ACTN2: variants seen among roughly 807,000 people sequenced by gnomAD.
ACTN2 encodes the protein alpha-actinin-2.
In ACTN2, 39 loss-of-function variants were observed where a neutral mutation model predicts 113.8. That is an observed-to-expected ratio of 0.34 (90% CI 0.27 to 0.45). The LOEUF (loss-of-function observed/expected upper bound fraction) is 0.45, where lower values mean the gene tolerates loss of function less well. Ranked by LOEUF, ACTN2 falls within the 20% of genes least tolerant of loss-of-function variation. ACTN2 has a pLI of 1.00. For synonymous variants in ACTN2, 429 were observed against 444.1 expected, an observed-to-expected ratio of 0.97 and a Z score of 0.43; for missense variants, 992 against 1,177.9, an observed-to-expected ratio of 0.84 and a Z score of 2.31.
At chr1:236,744,978 C>A (rs1352030396) in intron 12 of ACTN2, among the ~76,000 whole-genome samples, 3 of 152,136 alleles carry the variant, frequency 2.0e-5, no homozygotes, top group Non-Finnish European at 2.9e-5. Context: ...TCCTACCATC[C>A]AGCAGCACCC....
intron 4 of ACTN2, among the ~76,000 whole-genome samples, chr1:236,723,447 G>GT (rs1658459030): frequency 6.6e-6 from 1 of 152,182 alleles, no homozygotes; most frequent in Admixed American, 6.6e-5. Context: ...AAAATGGACA[G>GT]TTTTTTGTTT....
intron 8 of ACTN2, among the ~76,000 whole-genome samples, chr1:236,736,236 A>T (rs1658871845): frequency 1.3e-5 from 2 of 152,266 alleles, no homozygotes; most frequent in Non-Finnish European, 2.9e-5. Flanking sequence ...AGGGACCTTG[A>T]GGAAGAATGG....
chr1:236,689,338 T>TACACAC (rs1553295872), intron 1 of ACTN2, among the ~76,000 whole-genome samples: 10 of 41,190 alleles, frequency 2.4e-4, no homozygotes, highest in African/African-American at 4.5e-4. Context: ...TATATATATA[T>TACACAC]ACACACACAT....
Position 236,754,995 on chromosome 1 carries a change from T to G in ACTN2, c.1975-24T>G. On this transcript the variant is annotated intron_variant, in intron 16 of 20. Coordinates refer to ENST00000366578, the MANE Select transcript of ACTN2 (RefSeq NM_001103.4). The surrounding 1 kb of genome is among the most constrained non-coding windows in gnomAD (Gnocchi z 4.9). ...GGGCACTTCACTCTGCTTCTCTCTCTGCTTGCTCACTCGCCCCCCTCAGGA... is the reference window on the plus strand; with the variant it reads ...GGGCACTTCACTCTGCTTCTCTCTCGGCTTGCTCACTCGCCCCCCTCAGGA... 1 of 1,614,164 alleles carries G rather than the reference T, an allele frequency of 6.2e-7. No homozygotes were observed. The highest frequency in any genetic ancestry group is 1.1e-5 in the South Asian group (1 of 91,084).
At chr1:236,749,897 A>G (rs1312081853) in intron 14 of ACTN2, among the ~76,000 whole-genome samples, 1 of 152,206 alleles carries the variant, frequency 6.6e-6, no homozygotes, top group Non-Finnish European at 1.5e-5. Context: ...TTCATGAAAA[A>G]GTTGTAAGTG....
chr1:236,695,790 A>T (rs566803100), intron 1 of ACTN2, among the ~76,000 whole-genome samples: 1 of 152,296 alleles, frequency 6.6e-6, no homozygotes, highest in South Asian at 2.1e-4. Context: ...GTCTTCATAC[A>T]TGCCAAGCCC....
chr1:236,730,778 G>A (rs1275142449), intron 6 of ACTN2, among the ~76,000 whole-genome samples: 1 of 152,034 alleles, frequency 6.6e-6, no homozygotes, highest in Non-Finnish European at 1.5e-5. Flanking sequence ...ACACTCTTTA[G>A]TCAGCTAAAA....
At chr1:236,762,226 C>G (rs1356296458) in intron 20 of ACTN2, among the ~76,000 whole-genome samples, 1 of 152,042 alleles carries the variant, frequency 6.6e-6, no homozygotes, top group Non-Finnish European at 1.5e-5. Context: ...TAGTAATGCT[C>G]CATTTGCCTT....
chr1:236,717,489 AGCATATTTT>A lies in ACTN2; in HGVS notation c.127-360_127-352del, dbSNP rs149942107. Among the ~76,000 whole-genome samples, 282 of 152,304 alleles carry A rather than the reference AGCATATTTT, an allele frequency of 1.9e-3. 3 individuals carry two copies. Among genetic ancestry groups the A allele is most frequent in the African/African-American group, 6.2e-3 (258 of 41,576 alleles). Reference sequence around the variant, plus strand: ...TTATTCATCTATTCTGCTGCAAGCAAGCATATTTTGCATATTTGTGAGCAAGAAATAAGC... The same window carrying A: ...TTATTCATCTATTCTGCTGCAAGCAAGCATATTTGTGAGCAAGAAATAAGC... On this transcript the variant is annotated intron_variant, in intron 1 of 20. Transcript: ENST00000366578.
chr1:236,696,648 T>C (rs542030858), intron 1 of ACTN2, among the ~76,000 whole-genome samples: 1 of 151,650 alleles, frequency 6.6e-6, no homozygotes, highest in South Asian at 2.1e-4. Context: ...CAAACAACTT[T>C]ACTGCTGTTG....
chr1:236,728,089 A>T lies in ACTN2; in HGVS notation c.615+333A>T, dbSNP rs529775391. Among the ~76,000 whole-genome samples, 16 of 151,456 alleles carry T rather than the reference A, an allele frequency of 1.1e-4. No individual in the cohort carries two copies. In the East Asian group the frequency reaches 2.9e-3, roughly 28 times the overall value. ...GATTTTACATTCCTGGATTCTAAAT[A>T]TGAGAAGTGAAACCTCTATTTTTGC... On this transcript the variant is annotated intron_variant, in intron 6 of 20. Coordinates refer to ENST00000366578, the MANE Select transcript of ACTN2 (RefSeq NM_001103.4).
chr1:236,762,999 A>C lies in ACTN2; in HGVS notation c.*380A>C, dbSNP rs1206602757. ...TTTAAGACCGGGGGGAAAAAACCACAAATTGGTAAATAAAGGTTTGCTATT... is the reference window on the plus strand; with the variant it reads ...TTTAAGACCGGGGGGAAAAAACCACCAATTGGTAAATAAAGGTTTGCTATT... On this transcript the variant is annotated 3_prime_UTR_variant, in exon 21 of 21. Transcript: ENST00000366578. The C allele has an allele frequency of 3.1e-6, 1 of 321,718 alleles. No homozygotes were observed. The highest frequency in any genetic ancestry group is 6.0e-6 in the Non-Finnish European group (1 of 166,472). The allele number at this position is 321,718 out of a possible 1,614,324, so 19.9% of individuals were successfully genotyped here.
Position 236,735,657 on chromosome 1 carries a change from C to A in ACTN2, c.720C>A (p.Pro240=), listed in dbSNP as rs375935508. Residue 240 remains proline (P), a synonymous_variant, in exon 8 of 21, where the codon CCC becomes CCA. Coordinates refer to ENST00000366578, the MANE Select transcript of ACTN2 (RefSeq NM_001103.4). Reference sequence around the variant, plus strand: ...CAGACATCGTGAACACCCCTAAACCCGATGAAAGAGCCATCATGACGTACG... The same window carrying A: ...CAGACATCGTGAACACCCCTAAACCAGATGAAAGAGCCATCATGACGTACG... ...DAEDIVNTPK[P]DERAIMTYVS... is the part of the protein sequence containing the mutation. 3.7e-6 allele frequency: 6 copies of A among 1,614,142 alleles called. No homozygotes were observed. Among genetic ancestry groups the A allele is most frequent in the Non-Finnish European group, 5.1e-6 (6 of 1,180,030 alleles).
rs200357413 is a variant in ACTN2, at chr1:236,761,163, C to T, written c.2516C>T (p.Ala839Val). The T allele has an allele frequency of 1.9e-6, 3 of 1,614,148 alleles. No individual in the cohort carries two copies. The highest frequency in any genetic ancestry group is 2.2e-5 in the East Asian group (1 of 44,874). Reference protein sequence around the residue: ...EQVIASFRILASDKPYILAEE... With the variant: ...EQVIASFRILVSDKPYILAEE... ...GTCATCGCCTCCTTCCGGATCCTGG[C>T]TTCTGATAAGGTCTGCATTGACAGA... is the stretch of plus-strand genomic sequence containing the variant. Residue 839 changes from alanine (A) to valine (V), a missense_variant, in exon 20 of 21, where the codon GCT (alanine) becomes GTT (valine). This residue lies in a region of ACTN2 where 736 missense variants were observed against 815.4 expected (regional missense o/e 0.90). Transcript: ENST00000366578.
intron 8 of ACTN2, among the ~76,000 whole-genome samples, chr1:236,736,250 T>G (rs1658872259): frequency 1.3e-5 from 2 of 152,260 alleles, no homozygotes; most frequent in African/African-American, 4.8e-5. Flanking sequence ...AGAATGGCCC[T>G]CAGCTTTCTG....
chr1:236,737,151 G>T lies in ACTN2; in HGVS notation c.813G>T (p.Lys271Asn). 6.2e-7 allele frequency: 1 copy of T among 1,608,184 alleles called. No homozygotes were observed. The highest frequency in any genetic ancestry group is 1.1e-5 in the South Asian group (1 of 90,920). ...AGACAGCGGCTAACAGGATATGTAAGGTTCTTGCTGTGAATCAAGAGAATG... is the reference window on the plus strand; with the variant it reads ...AGACAGCGGCTAACAGGATATGTAATGTTCTTGCTGTGAATCAAGAGAATG... ...QAETAANRIC[K>N]VLAVNQENER... The change falls in exon 9 of 21, where the codon AAG becomes AAT. Residue 271 changes from lysine (K) to asparagine (N), a missense_variant. By Grantham distance (94) the Lys-to-Asn change is moderately conservative. Transcript: ENST00000366578.
chr1:236,746,654 T>C (rs1659247689), intron 12 of ACTN2, among the ~76,000 whole-genome samples: 1 of 150,352 alleles, frequency 6.7e-6, no homozygotes, highest in African/African-American at 2.5e-5. Flanking sequence ...TGTAATAACG[T>C]ATGATCACCC....
At position 236,755,102 on chromosome 1, in the gene ACTN2, C is replaced by T. The variant is rs750147806; in HGVS notation, c.2058C>T (p.Ile686=). 1 of 1,614,196 alleles carries T rather than the reference C, an allele frequency of 6.2e-7. No individual in the cohort carries two copies. The highest frequency in any genetic ancestry group is 8.5e-7 in the Non-Finnish European group (1 of 1,180,044). Residue 686 remains isoleucine (I), a synonymous_variant, in exon 17 of 21, where the codon ATC becomes ATT. Coordinates refer to ENST00000366578, the MANE Select transcript of ACTN2 (RefSeq NM_001103.4). Reference sequence around the variant, plus strand: ...TGAAGCAGTATGAGCACAACATCATCAACTATAAGAACAACATCGACAAGC... The same window carrying T: ...TGAAGCAGTATGAGCACAACATCATTAACTATAAGAACAACATCGACAAGC... ...NQLKQYEHNI[I]NYKNNIDKLE... is the part of the protein sequence containing the mutation.
At position 236,749,280 on chromosome 1, in the gene ACTN2, C is replaced by T. The variant is rs1659326562; in HGVS notation, c.1656+16C>T. On this transcript the variant is annotated intron_variant, in intron 14 of 20. Transcript: ENST00000366578. ...GGAGATCCAGGTAATGGAACCGCAA[C>T]TCTGTATGCCCTATGCATTAGAAGT... 2.5e-6 allele frequency: 4 copies of T among 1,613,944 alleles called. No homozygotes were observed. Among genetic ancestry groups the T allele is most frequent in the Non-Finnish European group, 3.4e-6 (4 of 1,179,994 alleles).
Sources: allele counts gnomAD v4.1 joint callset (sites outside exome capture counted in the v4.1 genomes callset), GRCh38; gene constraint gnomAD v4.1.1; regional missense constraint gnomAD v4.1.1; non-coding constraint Gnocchi (gnomAD v3.1); transcripts MANE v1.5; gene names NCBI Gene and HGNC (gene_info 2026-07-23, HGNC 2026-07-21).